Variants in LPCAT4 observed in about 807,000 individuals in gnomAD.
LPCAT4 encodes lysophospholipid acyltransferase LPCAT4.
LPCAT4 carries 30 observed loss-of-function variants against 66.5 expected under a neutral mutation model. That is an observed-to-expected ratio of 0.45 (90% CI 0.34 to 0.61). LPCAT4 has a LOEUF of 0.61. LPCAT4 is among the 20% of genes least tolerant of loss of function. The pLI, the probability that LPCAT4 is intolerant of heterozygous loss-of-function variation, is 0.01. For missense variants in LPCAT4, 557 were observed against 656.7 expected (o/e 0.85, Z 1.66); for synonymous variants, 253 against 262.1 (o/e 0.97, Z 0.34).
chr15:34,365,171 G>A lies in LPCAT4; in HGVS notation c.315C>T (p.Gly105=), dbSNP rs761080243. ...GGCCACGAACGCGAATCCGGAGGAA[G>A]CCCAGCAGGAAAAACAGCAGGCGGC... ...GLSRLLFFLL[G]FLRIRVRGQR... The change falls in exon 3 of 14, where the codon GGC becomes GGT. Residue 105 remains glycine (G), a synonymous_variant. Transcript: ENST00000314891. 6.2e-7 allele frequency: 1 copy of A among 1,614,104 alleles called. No homozygotes were observed. The highest frequency in any genetic ancestry group is 8.5e-7 in the Non-Finnish European group (1 of 1,179,992).
At position 34,362,060 on chromosome 15, in the gene LPCAT4, A is replaced by G. The variant is rs568520296; in HGVS notation, c.1010+136T>C. On this transcript the variant is annotated intron_variant, in intron 10 of 13. Coordinates refer to ENST00000314891, the MANE Select transcript of LPCAT4 (RefSeq NM_153613.3). ...TTCCATTTATTCCCCACTTCCTTTT[A>G]TTTATTCTATTATCTTTCTTCCCAG... 37 of 1,190,842 alleles carry G rather than the reference A, an allele frequency of 3.1e-5. No homozygotes were observed. In the East Asian group the frequency reaches 8.5e-4, roughly 27 times the overall value. 73.8% of individuals were successfully genotyped at this position (1,190,842 alleles called of 1,614,324 possible). A position where few individuals can be genotyped will look rare whatever the true frequency, so the allele number is the denominator to read the frequency against.
Position 34,363,839 on chromosome 15 carries a change from C to G in LPCAT4, c.653-120G>C. The G allele has an allele frequency of 7.2e-7, 1 of 1,379,328 alleles. No individual in the cohort carries two copies. The highest frequency in any genetic ancestry group is 1.0e-6 in the Non-Finnish European group (1 of 974,480). The allele number at this position is 1,379,328 out of a possible 1,614,324, so 85.4% of individuals were successfully genotyped here. A position where few individuals can be genotyped will look rare whatever the true frequency, so the allele number is the denominator to read the frequency against. On this transcript the variant is annotated intron_variant, in intron 5 of 13. Transcript: ENST00000314891. This position sits in a 1 kb window ranked among gnomAD's most constrained non-coding sequence, Gnocchi z 4.3. ...AAATGAGATATGGTTTTGTTCCACT[C>G]ATTGATAATTTTCTCTCTGACTCCT...
chr15:34,363,853 T>G lies in LPCAT4; in HGVS notation c.653-134A>C. ...TTTGTTCCACTCATTGATAATTTTC[T>G]CTCTGACTCCTCGACTTGACAGCAT... On this transcript the variant is annotated intron_variant, in intron 5 of 13. Transcript: ENST00000314891. This position sits in a 1 kb window ranked among gnomAD's most constrained non-coding sequence, Gnocchi z 4.3. 1 of 1,330,334 alleles carries G rather than the reference T, an allele frequency of 7.5e-7. No homozygotes were observed. Among genetic ancestry groups the G allele is most frequent in the Non-Finnish European group, 1.1e-6 (1 of 931,644 alleles). The allele number at this position is 1,330,334 out of a possible 1,614,324, so 82.4% of individuals were successfully genotyped here.
At position 34,359,379 on chromosome 15, in the gene LPCAT4, T is replaced by C. The variant is rs147028129; in HGVS notation, c.1400-77A>G. 395 of 1,407,384 alleles carry C rather than the reference T, an allele frequency of 2.8e-4. 5 individuals carry two copies. In the East Asian group the frequency reaches 8.7e-3, roughly 31 times the overall value. 87.2% of individuals were successfully genotyped at this position (1,407,384 alleles called of 1,614,324 possible). On this transcript the variant is annotated intron_variant, in intron 13 of 13. Coordinates refer to ENST00000314891, the MANE Select transcript of LPCAT4 (RefSeq NM_153613.3). Reference sequence around the variant, plus strand: ...AATCTCCCTGCTTTTTTCTCAGAACTAAAACACCTTGTGCCTCTACTCTGT... The same window carrying C: ...AATCTCCCTGCTTTTTTCTCAGAACCAAAACACCTTGTGCCTCTACTCTGT...
intron 12 of LPCAT4, 51 bp downstream of exon 12, chr15:34,360,060 C>T (rs72625170): frequency 0.058 from 82,406 of 1,417,044 alleles, 3,515 homozygotes; most frequent in East Asian, 0.2. Context: ...CCTCCTGGAG[C>T]GGGGTGAGCA....
rs755843888 is a variant in LPCAT4, at chr15:34,365,214, T to C, written c.272A>G (p.Asn91Ser). 3.1e-6 allele frequency: 5 copies of C among 1,608,096 alleles called. No individual in the cohort carries two copies. In the South Asian group the frequency reaches 3.3e-5, roughly 11 times the overall value. ...CAGGCGGCTCAGGCCTAGCACCCCG[T>C]TGTGGCACACAGTCCTGCCAGGGCA... The part of the protein sequence containing the change: ...ITGWRKTVCH[N>S]GVLGLSRLLF... The change falls in exon 3 of 14, where the codon AAC becomes AGC. Residue 91 changes from asparagine (N) to serine (S), a missense_variant. This residue lies in a region of LPCAT4 where 65 missense variants were observed against 83.5 expected (regional missense o/e 0.78). Coordinates refer to ENST00000314891, the MANE Select transcript of LPCAT4 (RefSeq NM_153613.3).
In LPCAT4 at chr15:34,363,923, C is replaced by A. The variant is rs910283737; in HGVS notation, c.652+90G>T. The A allele has an allele frequency of 4.2e-6, 6 of 1,428,122 alleles. No individual in the cohort carries two copies. The highest frequency in any genetic ancestry group is 2.8e-5 in the African/African-American group (2 of 70,750). The allele number at this position is 1,428,122 out of a possible 1,614,324, so 88.5% of individuals were successfully genotyped here. Reference sequence around the variant, plus strand: ...CTCCCTTCCTCTCCCATCCCTCCCCCTCTTCTACTTCTTGGGTTATTTCAG... The same window carrying A: ...CTCCCTTCCTCTCCCATCCCTCCCCATCTTCTACTTCTTGGGTTATTTCAG... On this transcript the variant is annotated intron_variant, in intron 5 of 13. Coordinates refer to ENST00000314891, the MANE Select transcript of LPCAT4 (RefSeq NM_153613.3). The surrounding 1 kb of genome is among the most constrained non-coding windows in gnomAD (Gnocchi z 4.3).
intron 3 of LPCAT4, 83 bp from the exon 4 acceptor site, chr15:34,364,389 G>T: frequency 1.3e-6 from 1 of 764,750 alleles, no homozygotes; most frequent in South Asian, 1.6e-5. Flanking sequence ...TTCCTCAACA[G>T]CATGAGAAGT....
At chr15:34,361,598 C>T in intron 10 of LPCAT4, 66 bp from the exon 11 acceptor site, 1 of 1,594,042 alleles carries the variant, frequency 6.3e-7, no homozygotes. Context: ...ATCAGCAGGA[C>T]TTCAGCCCCA....
intron 1 of LPCAT4, 167 bp from the exon 2 acceptor site, chr15:34,365,868 A>G (rs1275921620): frequency 2.8e-6 from 2 of 713,394 alleles, no homozygotes; most frequent in East Asian, 2.7e-5. Context: ...GGATGAAGAT[A>G]CCAATGAGGG....
intron 2 of LPCAT4, 53 bp from the exon 3 acceptor site, chr15:34,365,281 GC>G: frequency 2.0e-6 from 3 of 1,526,104 alleles, no homozygotes; most frequent in African/African-American, 1.4e-5. Context: ...ACCCTCACCC[GC>G]CCCCAGGTTC....
In LPCAT4 at chr15:34,363,040, G is replaced by A; in HGVS notation, c.747-204C>T. 1.6e-6 allele frequency: 1 copy of A among 636,072 alleles called. No individual in the cohort carries two copies. The highest frequency in any genetic ancestry group is 1.8e-5 in the South Asian group (1 of 55,146). 39.4% of individuals were successfully genotyped at this position (636,072 alleles called of 1,614,324 possible). A position where few individuals can be genotyped will look rare whatever the true frequency, so the allele number is the denominator to read the frequency against. ...AAGGAACGGCCAGAAACGCGGTAGG[G>A]AAAGAGAGCAGAGCTGCATGGATAT... On this transcript the variant is annotated intron_variant, in intron 7 of 13. Transcript: ENST00000314891. This position sits in a 1 kb window ranked among gnomAD's most constrained non-coding sequence, Gnocchi z 4.3.
chr15:34,364,831 T>A (rs1383654705), intron 3 of LPCAT4, 177 bp downstream of exon 3: 1 of 606,606 alleles, frequency 1.6e-6, no homozygotes. Context: ...TCCAACACCT[T>A]CTCTCTGTCC....
intron 8 of LPCAT4, 44 bp downstream of exon 8, chr15:34,362,738 G>C: frequency 6.2e-7 from 1 of 1,612,710 alleles, no homozygotes; most frequent in Non-Finnish European, 8.5e-7. Flanking sequence ...AAGGTTTCAG[G>C]AGTCTGAGAT....
rs1891005148 is a variant in LPCAT4, at chr15:34,363,806, C to T, written c.653-87G>A. ...GGGCATGAGGTATGGCAGTCTGGGA[C>T]AGTTCTCAAATGAGATATGGTTTTG... On this transcript the variant is annotated intron_variant, in intron 5 of 13. Transcript: ENST00000314891. The surrounding 1 kb of genome is among the most constrained non-coding windows in gnomAD (Gnocchi z 4.3). 6.7e-7 allele frequency: 1 copy of T among 1,492,106 alleles called. No individual in the cohort carries two copies. The highest frequency in any genetic ancestry group is 1.7e-5 in the Admixed American group (1 of 59,270). The allele number at this position is 1,492,106 out of a possible 1,614,324, so 92.4% of individuals were successfully genotyped here. A position where few individuals can be genotyped will look rare whatever the true frequency, so the allele number is the denominator to read the frequency against.
rs751333852 is a variant in LPCAT4 at position 34,359,687 on chromosome 15, C to A, written c.1301G>T (p.Ser434Ile). Residue 434 changes from serine (S) to isoleucine (I), a missense_variant, in exon 13 of 14, where the codon AGC becomes ATC. Ser to Ile is a moderately radical substitution (Grantham distance 142). Transcript: ENST00000314891. ...PNRLLYKDGF[S>I]TILHLLLGSP... Reference sequence around the variant, plus strand: ...ACCCAGCAGCAGGTGCAGGATGGTGCTGAAGCCGTCTTTGTACAGCAGGCG... The same window carrying A: ...ACCCAGCAGCAGGTGCAGGATGGTGATGAAGCCGTCTTTGTACAGCAGGCG... 6.2e-7 allele frequency: 1 copy of A among 1,613,772 alleles called. No individual in the cohort carries two copies. The highest frequency in any genetic ancestry group is 1.3e-5 in the African/African-American group (1 of 75,040).
intron 10 of LPCAT4, among the ~76,000 whole-genome samples, 198 bp downstream of exon 10, chr15:34,361,998 C>A (rs1189076130): frequency 6.6e-6 from 1 of 152,276 alleles, no homozygotes; most frequent in African/African-American, 2.4e-5. Context: ...CGTGCCCGGC[C>A]CCTTCTTACT....
chr15:34,363,031 C>A lies in LPCAT4; in HGVS notation c.747-195G>T. The A allele has an allele frequency of 1.6e-6, 1 of 640,134 alleles. No individual in the cohort carries two copies. 39.7% of individuals were successfully genotyped at this position (640,134 alleles called of 1,614,324 possible). On this transcript the variant is annotated intron_variant, in intron 7 of 13. Coordinates refer to ENST00000314891, the MANE Select transcript of LPCAT4 (RefSeq NM_153613.3). The surrounding 1 kb of genome is among the most constrained non-coding windows in gnomAD (Gnocchi z 4.3). ...GGGAGACACAAGGAACGGCCAGAAA[C>A]GCGGTAGGGAAAGAGAGCAGAGCTG...
chr15:34,362,956 T>C (rs1890983272), intron 7 of LPCAT4, 120 bp from the exon 8 acceptor site: 1 of 942,436 alleles, frequency 1.1e-6, no homozygotes. Context: ...TGCCCATTGA[T>C]AATAGGGACA....
Sources: allele counts gnomAD v4.1 joint callset (sites outside exome capture counted in the v4.1 genomes callset), GRCh38; gene constraint gnomAD v4.1.1; regional missense constraint gnomAD v4.1.1; non-coding constraint Gnocchi (gnomAD v3.1); transcripts MANE v1.5; gene names NCBI Gene and HGNC (gene_info 2026-07-23, HGNC 2026-07-21).